Variants in SLC16A7 observed in about 807,000 individuals in gnomAD.
SLC16A7 encodes monocarboxylate transporter 2.
A neutral mutation model predicts 34.9 loss-of-function variants in SLC16A7; 33 were observed. The observed-to-expected ratio is 0.94, with a 90% confidence interval of 0.72 to 1.26. The LOEUF (loss-of-function observed/expected upper bound fraction) is 1.26. Among genes scored for constraint, SLC16A7 ranks in the 50% most tolerant of loss-of-function variants. The probability of loss-of-function intolerance (pLI) is 0.00; values close to 1 mark genes in which losing one functional copy is unlikely to be tolerated. For missense variants in SLC16A7, 573 were observed against 578.1 expected (o/e 0.99, Z 0.09); for synonymous variants, 201 against 206.6 (o/e 0.97, Z 0.23).
intron 3 of SLC16A7, among the ~76,000 whole-genome samples, chr12:59,727,170 A>AT (rs1555174538): frequency 5.5e-5 from 8 of 144,374 alleles, no homozygotes; most frequent in South Asian, 2.2e-4. Context: ...ATATATATAT[A>AT]ATATATATAT....
intron 3 of SLC16A7, among the ~76,000 whole-genome samples, chr12:59,722,456 G>A (rs545076569): frequency 1.3e-5 from 2 of 151,682 alleles, no homozygotes; most frequent in Non-Finnish European, 2.9e-5. Context: ...AATCATGTCC[G>A]AGCCTACCTA....
chr12:59,774,812 G>A lies in SLC16A7; in HGVS notation c.517G>A (p.Gly173Ser). The A allele has an allele frequency of 6.2e-7, 1 of 1,613,802 alleles. No individual in the cohort carries two copies. Among genetic ancestry groups the A allele is most frequent in the Non-Finnish European group, 8.5e-7 (1 of 1,179,938 alleles). Residue 173 changes from glycine to serine, a missense_variant, in exon 5 of 6, where the codon GGC becomes AGC. Coordinates refer to ENST00000547379, the MANE Select transcript of SLC16A7 (RefSeq NM_001270623.2). The stretch of plus-strand genomic sequence containing the variant: ...CAATCAGTACCTTTTTAATACTTTT[G>A]GCTGGAAAGGAAGCTTCCTGATTTT... The part of the protein sequence containing the change: ...PFNQYLFNTF[G>S]WKGSFLILGS...
chr12:59,733,953 T>C (rs1877275506), intron 3 of SLC16A7: 1 of 403,222 alleles, frequency 2.5e-6, no homozygotes, highest in Non-Finnish European at 5.0e-6. Flanking sequence ...CTGGGGTTTT[T>C]AAGGGGTCAG....
Position 59,704,925 on chromosome 12 carries a change from G to GT in SLC16A7, c.125dup (p.Phe43IlefsTer15). On this transcript the variant is annotated frameshift_variant, in exon 3 of 6. Transcript: ENST00000547379. LOFTEE classifies it high-confidence loss of function. ...CTATGCATTCCCCAAAGCTGTCACC[G>GT]TATTCTTCAAAGAAATTCAGCAAAT... The GT allele has an allele frequency of 6.2e-7, 1 of 1,613,086 alleles. No homozygotes were observed. The highest frequency in any genetic ancestry group is 8.5e-7 in the Non-Finnish European group (1 of 1,179,182).
chr12:59,743,654 C>T (rs1332280432), intron 3 of SLC16A7, among the ~76,000 whole-genome samples: 1 of 152,050 alleles, frequency 6.6e-6, no homozygotes, highest in Non-Finnish European at 1.5e-5. Flanking sequence ...TTTTATTAAA[C>T]AAATTAAATA....
At chr12:59,721,812 C>T (rs12819402) in intron 3 of SLC16A7, among the ~76,000 whole-genome samples, 11,809 of 151,994 alleles carry the variant, frequency 0.078, 555 homozygotes, top group Middle Eastern at 0.18. Flanking sequence ...TAATCACCCT[C>T]GGTCTTCCAT....
At chr12:59,628,601 C>G (rs1319360648) in intron 1 of SLC16A7, among the ~76,000 whole-genome samples, 2 of 151,710 alleles carry the variant, frequency 1.3e-5, no homozygotes, top group African/African-American at 2.4e-5. Context: ...GTCTGCCTCC[C>G]CTGCTATGTG....
chr12:59,750,813 A>G (rs1281293592), intron 3 of SLC16A7, among the ~76,000 whole-genome samples: 1 of 152,164 alleles, frequency 6.6e-6, no homozygotes, highest in Non-Finnish European at 1.5e-5. Flanking sequence ...ACCAACCCAA[A>G]TGCCCATCAA....
At chr12:59,695,663 C>T (rs935286476) in intron 2 of SLC16A7, among the ~76,000 whole-genome samples, 1 of 152,014 alleles carries the variant, frequency 6.6e-6, no homozygotes, top group Non-Finnish European at 1.5e-5. Flanking sequence ...TTGTTCAGCA[C>T]TTTAGAATAG....
chr12:59,730,506 G>T (rs1425467661), intron 3 of SLC16A7, among the ~76,000 whole-genome samples: 2 of 151,898 alleles, frequency 1.3e-5, no homozygotes, highest in African/African-American at 4.8e-5. Flanking sequence ...TTGCAGCTGA[G>T]TACAAATATT....
chr12:59,789,501 T>A lies in SLC16A7; in HGVS notation c.*9822T>A, dbSNP rs1414638752. The A allele has an allele frequency of 2.6e-5, 4 of 152,190 alleles. No individual in the cohort carries two copies. The highest frequency in any genetic ancestry group is 5.9e-5 in the Non-Finnish European group (4 of 68,008). 9.4% of individuals were successfully genotyped at this position (152,190 alleles called of 1,614,324 possible). On this transcript the variant is annotated 3_prime_UTR_variant, in exon 6 of 6. Coordinates refer to ENST00000547379, the MANE Select transcript of SLC16A7 (RefSeq NM_001270623.2). ...AGCTTCCTGGAAATGTCGACAATCA[T>A]TTTAATGACCAAAGGTGCTACTTAT...
intron 3 of SLC16A7, among the ~76,000 whole-genome samples, chr12:59,743,097 A>G (rs113210437): frequency 3.0e-4 from 46 of 152,314 alleles, no homozygotes; most frequent in African/African-American, 1.1e-3. Flanking sequence ...CCAGAGGGAA[A>G]ATGCATATGA....
Position 59,712,315 on chromosome 12 carries a change from AG to A in SLC16A7, c.217+7300del, listed in dbSNP as rs573232402. ...ACGACTGGAAATGCAAGAAATAAAT[AG>A]GGTCAATAATCATTTCTAAAAGAAA... On this transcript the variant is annotated intron_variant, in intron 3 of 5. Coordinates refer to ENST00000547379, the MANE Select transcript of SLC16A7 (RefSeq NM_001270623.2). Among the ~76,000 whole-genome samples, 212 of 152,374 alleles carry A rather than the reference AG, an allele frequency of 1.4e-3. 1 individual carries two copies. Among genetic ancestry groups the A allele is most frequent in the Middle Eastern group, 6.8e-3 (2 of 294 alleles).
intron 2 of SLC16A7, among the ~76,000 whole-genome samples, chr12:59,678,588 G>A (rs941522529): frequency 2.0e-5 from 3 of 152,140 alleles, no homozygotes; most frequent in Admixed American, 1.3e-4. Flanking sequence ...GTCTAGCTGA[G>A]TCCAGGGTTT....
chr12:59,738,154 T>C (rs1189322969), intron 3 of SLC16A7, among the ~76,000 whole-genome samples: 1 of 152,186 alleles, frequency 6.6e-6, no homozygotes, highest in Non-Finnish European at 1.5e-5. Flanking sequence ...TAAACTATTT[T>C]GCCCAGCACG....
At chr12:59,617,058 G>C (rs1429802565) in intron 1 of SLC16A7, among the ~76,000 whole-genome samples, 1 of 151,962 alleles carries the variant, frequency 6.6e-6, no homozygotes, top group Non-Finnish European at 1.5e-5. Flanking sequence ...TAATATTGTG[G>C]TGTATGAATA....
intron 1 of SLC16A7, among the ~76,000 whole-genome samples, chr12:59,625,842 T>C (rs1043998695): frequency 4.0e-5 from 6 of 151,636 alleles, no homozygotes; most frequent in Admixed American, 1.3e-4. Context: ...CTAATACACA[T>C]GGAGGAAATA....
chr12:59,688,955 T>C lies in SLC16A7; in HGVS notation c.-30-15817T>C, dbSNP rs545495656. Among the ~76,000 whole-genome samples, 210 of 152,162 alleles carry C rather than the reference T, an allele frequency of 1.4e-3. 1 individual carries two copies. Among genetic ancestry groups the C allele is most frequent in the Middle Eastern group, 6.8e-3 (2 of 294 alleles). On this transcript the variant is annotated intron_variant, in intron 2 of 5. Coordinates refer to ENST00000547379, the MANE Select transcript of SLC16A7 (RefSeq NM_001270623.2). ...ATTATGCCATTATAGTGGTATTATA[T>C]CAACTTAATATAATTAAGGAATTAT...
intron 3 of SLC16A7, among the ~76,000 whole-genome samples, 179 bp from the exon 4 acceptor site, chr12:59,771,040 C>T (rs1882172225): frequency 6.6e-6 from 1 of 152,102 alleles, no homozygotes; most frequent in South Asian, 2.1e-4. Context: ...CTGAAAATAA[C>T]CTGTCAAACT....
Sources: gnomAD v4.1 joint callset for allele counts (sites outside exome capture counted in the v4.1 genomes callset) on GRCh38, gnomAD v4.1.1 for gene constraint, MANE v1.5 for transcripts, NCBI Gene and HGNC (gene_info 2026-07-23, HGNC 2026-07-21) for gene names.